SGO2: variants seen among roughly 807,000 people sequenced by gnomAD.
SGO2 encodes shugoshin-like 2.
SGO2 carries 68 observed loss-of-function variants against 99.5 expected under a neutral mutation model. The observed-to-expected ratio is 0.68, with a 90% CI of 0.56 to 0.84. The LOEUF is 0.84. Among genes scored for constraint, SGO2 ranks in the 40% least tolerant of loss-of-function variants. The probability of loss-of-function intolerance (pLI) is 0.00; values close to 1 mark genes in which losing one functional copy is unlikely to be tolerated. For synonymous variants in SGO2, 457 were observed against 487.1 expected, an observed-to-expected ratio of 0.94 and a Z score of 0.81; for missense variants, 1,350 against 1,436.7, an observed-to-expected ratio of 0.94 and a Z score of 0.97.
In SGO2 at chr2:200,570,510, G is replaced by GTGTGTGTGTGT. The variant is rs397987331; in HGVS notation, c.704-540_704-539insTGTGTGTGTGT. Among the ~76,000 whole-genome samples the GTGTGTGTGTGT allele has an allele frequency of 2.0e-5, 3 of 148,378 alleles. No individual in the cohort carries two copies. The highest frequency in any genetic ancestry group is 7.5e-5 in the African/African-American group (3 of 40,180). ...TGTGTGTGTGTGTGTGTGTGTGTGT[G>GTGTGTGTGTGT]GGCATATGTATATGTATATAATATA... On this transcript the variant is annotated intron_variant, in intron 6 of 8. Coordinates refer to ENST00000357799, the MANE Select transcript of SGO2 (RefSeq NM_152524.6). The surrounding 1 kb of genome is among the most constrained non-coding windows in gnomAD (Gnocchi z 4.4).
Position 200,575,441 on chromosome 2 carries a change from T to C in SGO2, c.3762T>C (p.Phe1254=), listed in dbSNP as rs536387333. The change falls in exon 8 of 9, where the codon TTT becomes TTC. Residue 1254 remains phenylalanine (F), a synonymous_variant. Coordinates refer to ENST00000357799, the MANE Select transcript of SGO2 (RefSeq NM_152524.6). ...GAAGAAGGTGTACTCCTTTCTATTT[T>C]AAAGAGCCAAGCCTCAGAGAGTAAG... ...SRRRRCTPFY[F]KEPSLRDKMR... is the part of the protein sequence containing the mutation. 8 of 1,594,472 alleles carry C rather than the reference T, an allele frequency of 5.0e-6. No homozygotes were observed. In the African/African-American group the frequency reaches 6.7e-5, roughly 13 times the overall value.
chr2:200,576,040 G>C (rs947419776), intron 8 of SGO2: 18 of 381,230 alleles, frequency 4.7e-5, no homozygotes, highest in Non-Finnish European at 8.5e-5. Flanking sequence ...AAAACACTTC[G>C]ATATATCTCT....
At chr2:200,544,707 CTA>C (rs2032131867) in intron 5 of SGO2, among the ~76,000 whole-genome samples, 2 of 151,958 alleles carry the variant, frequency 1.3e-5, no homozygotes, top group South Asian at 2.1e-4. Flanking sequence ...ATCTATCTAT[CTA>C]TCTATCTATC....
In SGO2 at chr2:200,573,744, C is replaced by G. The variant is rs775357210; in HGVS notation, c.3398C>G (p.Thr1133Arg). The change falls in exon 7 of 9, where the codon ACA (threonine) becomes AGA (arginine). Residue 1133 changes from threonine (T) to arginine (R), a missense_variant. Coordinates refer to ENST00000357799, the MANE Select transcript of SGO2 (RefSeq NM_152524.6). ...GTCAAAAATAAGCCAGACTTTTACA[C>G]AAAGGCATTTAGATCTTTGTCTGAG... is the stretch of plus-strand genomic sequence containing the variant. ...KMVKNKPDFY[T>R]KAFRSLSEIH... is the part of the protein sequence containing the mutation. The G allele has an allele frequency of 1.2e-6, 2 of 1,611,638 alleles. No homozygotes were observed. Among genetic ancestry groups the G allele is most frequent in the Non-Finnish European group, 1.7e-6 (2 of 1,179,072 alleles).
intron 8 of SGO2, among the ~76,000 whole-genome samples, chr2:200,578,013 T>C (rs1215880469): frequency 6.6e-6 from 1 of 152,154 alleles, no homozygotes; most frequent in Non-Finnish European, 1.5e-5. Flanking sequence ...TCTCAAACTT[T>C]CACCCACTAA....
At chr2:200,559,095 G>C (rs2106330791) in intron 5 of SGO2, among the ~76,000 whole-genome samples, 1 of 152,232 alleles carries the variant, frequency 6.6e-6, no homozygotes, top group East Asian at 1.9e-4. Context: ...GAGCCACCAT[G>C]CCTGGTGTAA....
At chr2:200,567,152 C>T (rs1269712033) in intron 5 of SGO2, among the ~76,000 whole-genome samples, 3 of 152,206 alleles carry the variant, frequency 2.0e-5, no homozygotes, top group Non-Finnish European at 2.9e-5. Flanking sequence ...CACCCGTCTT[C>T]TGCATCGTTC....
chr2:200,561,577 A>G (rs2032971726), intron 5 of SGO2, among the ~76,000 whole-genome samples: 1 of 152,192 alleles, frequency 6.6e-6, no homozygotes, highest in Non-Finnish European at 1.5e-5. Flanking sequence ...TATACCCAGT[A>G]ATGGGATGGC....
At position 200,571,159 on chromosome 2, in the gene SGO2, T is replaced by C; in HGVS notation, c.813T>C (p.Thr271=). The C allele has an allele frequency of 6.2e-7, 1 of 1,613,712 alleles. No individual in the cohort carries two copies. The highest frequency in any genetic ancestry group is 2.2e-5 in the East Asian group (1 of 44,872). ...AGAAACCATCTCCTAGTAATGTGAC[T>C]GAAAGGAAGAAGCGTGGGTCATCTT... ...RWEKPSPSNV[T]ERKKRGSSWE... The change falls in exon 7 of 9, where the codon ACT becomes ACC. Residue 271 remains threonine, a synonymous_variant. Transcript: ENST00000357799.
chr2:200,566,910 C>T (rs2033212603), intron 5 of SGO2, among the ~76,000 whole-genome samples: 1 of 152,324 alleles, frequency 6.6e-6, no homozygotes, highest in South Asian at 2.1e-4. Context: ...TTTGCTAAGA[C>T]TGTTGGAAAA....
rs534037320 is a variant in SGO2 at position 200,546,094 on chromosome 2, C to G, written c.473+3430C>G. Among the ~76,000 whole-genome samples, 214 of 152,052 alleles carry G rather than the reference C, an allele frequency of 1.4e-3. 1 individual carries two copies. The highest frequency in any genetic ancestry group is 4.8e-3 in the African/African-American group (201 of 41,468). On this transcript the variant is annotated intron_variant, in intron 5 of 8. Coordinates refer to ENST00000357799, the MANE Select transcript of SGO2 (RefSeq NM_152524.6). Reference sequence around the variant, plus strand: ...CATTTTGGGACAGGCAGTGGTCAACCATTTACTAGCTCCAAGGTGAACCTG... The same window carrying G: ...CATTTTGGGACAGGCAGTGGTCAACGATTTACTAGCTCCAAGGTGAACCTG...
Position 200,569,050 on chromosome 2 carries a change from G to C in SGO2, c.474-613G>C, listed in dbSNP as rs888678939. 2.0e-5 allele frequency among the ~76,000 whole-genome samples: 3 copies of C among 151,742 alleles called. No individual in the cohort carries two copies. In the South Asian group the frequency reaches 6.2e-4, roughly 32 times the overall value. On this transcript the variant is annotated intron_variant, in intron 5 of 8. Coordinates refer to ENST00000357799, the MANE Select transcript of SGO2 (RefSeq NM_152524.6). ...TATTATAAATTATTTTAAAATATCT[G>C]TGATTTCCTTGGAATACAAGACAGC...
At chr2:200,548,308 AT>A (rs1230410899) in intron 5 of SGO2, among the ~76,000 whole-genome samples, 1 of 152,086 alleles carries the variant, frequency 6.6e-6, no homozygotes, top group Non-Finnish European at 1.5e-5. Context: ...GGAAATTAAA[AT>A]GAGAGGAACT....
In SGO2 at chr2:200,573,630, T is replaced by G. The variant is rs954513403; in HGVS notation, c.3284T>G (p.Val1095Gly). 8.1e-6 allele frequency: 13 copies of G among 1,612,726 alleles called. No homozygotes were observed. The highest frequency in any genetic ancestry group is 1.0e-5 in the Non-Finnish European group (12 of 1,179,406). The change falls in exon 7 of 9, where the codon GTA becomes GGA. Residue 1095 changes from valine to glycine, a missense_variant. Val to Gly is a moderately radical substitution (Grantham distance 109, BLOSUM62 -3). Transcript: ENST00000357799. Reference protein sequence around the residue: ...SIDPSPESHEVMERILDSVQG... With the variant: ...SIDPSPESHEGMERILDSVQG... ...GATCCTTCTCCAGAGAGCCATGAAG[T>G]AATGGAAAGAATACTTGACAGCGTT...
chr2:200,542,481 C>G (rs1407889092), intron 4 of SGO2, 98 bp from the exon 5 acceptor site: 1 of 823,928 alleles, frequency 1.2e-6, no homozygotes, highest in Non-Finnish European at 1.8e-6. Context: ...AAAAATTGTT[C>G]TTTTACTATT....
chr2:200,573,851 A>G lies in SGO2; in HGVS notation c.3505A>G (p.Asn1169Asp), dbSNP rs1559219464. The change falls in exon 7 of 9, where the codon AAT (asparagine) becomes GAT (aspartate). Residue 1169 changes from asparagine to aspartate, a missense_variant. Asn to Asp is a conservative substitution (Grantham distance 23, BLOSUM62 1). Transcript: ENST00000357799. ...LVPLSVSSGK[N>D]VIIKENFALE... The stretch of plus-strand genomic sequence containing the variant: ...ACCTTTGAGCGTTTCTTCTGGTAAA[A>G]ATGTGATAATAAAAGAAAATTTTGC... 6.2e-7 allele frequency: 1 copy of G among 1,613,154 alleles called. No homozygotes were observed. Among genetic ancestry groups the G allele is most frequent in the Non-Finnish European group, 8.5e-7 (1 of 1,179,482 alleles).
At chr2:200,575,585 C>T in intron 8 of SGO2, 124 bp downstream of exon 8, 2 of 644,556 alleles carry the variant, frequency 3.1e-6, no homozygotes, top group Non-Finnish European at 5.1e-6. Context: ...TATGTAACAA[C>T]CACAGTATGA....
intron 5 of SGO2, among the ~76,000 whole-genome samples, chr2:200,554,788 A>C (rs2032636668): frequency 6.6e-6 from 1 of 152,220 alleles, no homozygotes; most frequent in Admixed American, 6.5e-5. Flanking sequence ...TCACCACTGC[A>C]TTAGTGCATT....
intron 5 of SGO2, among the ~76,000 whole-genome samples, chr2:200,547,592 A>G (rs1378826961): frequency 6.6e-6 from 1 of 152,214 alleles, no homozygotes; most frequent in African/African-American, 2.4e-5. Flanking sequence ...GATAATATAA[A>G]AATATGTAAA....
Sources: allele counts gnomAD v4.1 joint callset (sites outside exome capture counted in the v4.1 genomes callset), GRCh38; gene constraint gnomAD v4.1.1; non-coding constraint Gnocchi (gnomAD v3.1); transcripts MANE v1.5; gene names NCBI Gene and HGNC (gene_info 2026-07-23, HGNC 2026-07-21).